Variants in DPP6 observed in about 807,000 individuals in gnomAD.
DPP6 encodes the protein A-type potassium channel modulatory protein DPP6.
DPP6 carries 69 observed loss-of-function variants against 122.6 expected under a neutral mutation model. The observed-to-expected ratio is 0.56, with a 90% CI of 0.46 to 0.69. DPP6 has a LOEUF of 0.69. Among genes scored for constraint, DPP6 ranks in the 30% least tolerant of loss-of-function variants. The probability of loss-of-function intolerance (pLI) is 0.00; values close to 1 mark genes in which losing one functional copy is unlikely to be tolerated. For missense variants in DPP6, 928 were observed against 1,116.9 expected, an observed-to-expected ratio of 0.83 and a Z score of 2.41; for synonymous variants, 418 against 433.1, an observed-to-expected ratio of 0.97 and a Z score of 0.43.
the DPP6 span, among the ~76,000 whole-genome samples, chr7:153,867,061 T>G: frequency 2.6e-5 from 4 of 152,202 alleles, no homozygotes; most frequent in South Asian, 8.3e-4. Context: ...AGCCTTGTAG[T>G]ATAGTTTGAA....
the DPP6 span, among the ~76,000 whole-genome samples, chr7:153,780,451 T>A: frequency 6.6e-6 from 1 of 152,164 alleles, no homozygotes; most frequent in Non-Finnish European, 1.5e-5. Flanking sequence ...ATCAACTTTA[T>A]GAAAGCAGCA....
chr7:154,171,093 G>T (rs1462492398), intron 1 of DPP6, among the ~76,000 whole-genome samples: 1 of 152,174 alleles, frequency 6.6e-6, no homozygotes, highest in African/African-American at 2.4e-5. Context: ...GAGTTTGTAG[G>T]TAAGCTTCCA....
intron 1 of DPP6, among the ~76,000 whole-genome samples, chr7:154,270,564 G>C (rs1803718670): frequency 6.6e-6 from 1 of 152,092 alleles, no homozygotes; most frequent in African/African-American, 2.4e-5. Flanking sequence ...TCAGGTCTAA[G>C]GCTGAAATGG....
At position 154,548,724 on chromosome 7, in the gene DPP6, T is replaced by C. The variant is rs544045642; in HGVS notation, c.552+8098T>C. ...CATGGTGGTGGGTGGATACAGTGAT[T>C]AATAAAAACAGATTTCTACTCTTAT... is the stretch of plus-strand genomic sequence containing the variant. On this transcript the variant is annotated intron_variant, in intron 4 of 25. Transcript: ENST00000377770. Among the ~76,000 whole-genome samples, 10 of 152,194 alleles carry C rather than the reference T, an allele frequency of 6.6e-5. No homozygotes were observed. The East Asian group carries it at 1.9e-3, about 29-fold the overall frequency.
chr7:154,229,058 T>C (rs1800769790), intron 1 of DPP6, among the ~76,000 whole-genome samples: 1 of 152,182 alleles, frequency 6.6e-6, no homozygotes, highest in Non-Finnish European at 1.5e-5. Context: ...AAGCACTCTG[T>C]GGTGAAGGTT....
chr7:154,057,350 G>A (rs61322342), intron 1 of DPP6: 19,150 of 189,224 alleles, frequency 0.1, 1,546 homozygotes, highest in Admixed American at 0.21. Context: ...GACACCCCCC[G>A]CGAGGCGGGG....
the DPP6 span, among the ~76,000 whole-genome samples, chr7:153,769,405 G>C: frequency 6.6e-6 from 1 of 152,156 alleles, no homozygotes; most frequent in Non-Finnish European, 1.5e-5. Context: ...TTAAACAGTA[G>C]TGTTTCCAGT....
intron 1 of DPP6, among the ~76,000 whole-genome samples, chr7:153,966,615 A>G (rs1397392235): frequency 1.2e-5 from 1 of 85,006 alleles, no homozygotes; most frequent in Non-Finnish European, 2.3e-5. Flanking sequence ...TTTTTTAAAA[A>G]ATTATACTTT....
chr7:153,830,048 ATG>A, the DPP6 span, among the ~76,000 whole-genome samples: 1 of 152,220 alleles, frequency 6.6e-6, no homozygotes, highest in Admixed American at 6.5e-5. Context: ...CCATTTTATT[ATG>A]TGTTTATAGG....
At chr7:154,235,833 C>G (rs1801179709) in intron 1 of DPP6, among the ~76,000 whole-genome samples, 1 of 152,120 alleles carries the variant, frequency 6.6e-6, no homozygotes, top group Admixed American at 6.5e-5. Flanking sequence ...CTTGTTACCT[C>G]AGTTTTCTTA....
At chr7:154,289,522 C>G (rs1805068294) in intron 1 of DPP6, among the ~76,000 whole-genome samples, 1 of 152,150 alleles carries the variant, frequency 6.6e-6, no homozygotes, top group African/African-American at 2.4e-5. Context: ...GGGAGCACAT[C>G]CTATATGCTA....
At chr7:154,640,453 G>A (rs1005141625) in intron 6 of DPP6, among the ~76,000 whole-genome samples, 1 of 136,372 alleles carries the variant, frequency 7.3e-6, no homozygotes, top group Non-Finnish European at 1.6e-5. Flanking sequence ...CTGTCACCAT[G>A]TCACTGAACA....
chr7:154,878,510 C>T (rs576334890), intron 20 of DPP6, among the ~76,000 whole-genome samples: 2 of 152,224 alleles, frequency 1.3e-5, no homozygotes, highest in Non-Finnish European at 2.9e-5. Flanking sequence ...TCCCTAGGAA[C>T]GAGGTCTGCA....
At chr7:154,597,279 G>A (rs6597424) in intron 5 of DPP6, among the ~76,000 whole-genome samples, 89,575 of 151,332 alleles carry the variant, frequency 0.59, 27,001 homozygotes, top group African/African-American at 0.7. Flanking sequence ...GTGGGTTGGT[G>A]TCTCCTGGCT....
rs2150714654 is a variant in DPP6, at chr7:154,894,078, A to G, written c.*1598A>G. ...GGTGTTTTAAAGGTGATTCACCACC[A>G]TTTGTGAAAGGACCAACGTGCTGAT... On this transcript the variant is annotated 3_prime_UTR_variant, in exon 26 of 26. Transcript: ENST00000377770. The G allele has an allele frequency of 6.6e-6, 1 of 152,338 alleles. No homozygotes were observed. Among genetic ancestry groups the G allele is most frequent in the Admixed American group, 6.5e-5 (1 of 15,304 alleles). 9.4% of individuals were successfully genotyped at this position (152,338 alleles called of 1,614,324 possible).
chr7:154,838,260 T>C (rs905696764), intron 16 of DPP6: 3 of 152,232 alleles, frequency 2.0e-5, no homozygotes, highest in Non-Finnish European at 2.9e-5. Flanking sequence ...AGAAAGAAGT[T>C]CCAAGATCCG....
rs74629645 is a variant in DPP6 at position 154,525,386 on chromosome 7, G to A, written c.458-15146G>A. On this transcript the variant is annotated intron_variant, in intron 3 of 25. Coordinates refer to ENST00000377770, the MANE Select transcript of DPP6 (RefSeq NM_130797.4). ...TAATTTTTCAGGCTCTCAAACTCCT[G>A]GGCTCAAGCTATTCTCCTACCTTGG... Among the ~76,000 whole-genome samples the A allele has an allele frequency of 6.0e-3, 911 of 152,150 alleles. 11 individuals are homozygous for A. Among genetic ancestry groups the A allele is most frequent in the African/African-American group, 0.02 (849 of 41,490 alleles).
intron 7 of DPP6, 100 bp from the exon 8 acceptor site, chr7:154,727,667 G>A (rs954550335): frequency 2.8e-6 from 4 of 1,443,952 alleles, no homozygotes; most frequent in Non-Finnish European, 3.7e-6. Context: ...AATACAACAG[G>A]AAAATGAAAA....
intron 1 of DPP6, among the ~76,000 whole-genome samples, chr7:153,901,200 A>G (rs1334242582): frequency 1.3e-5 from 2 of 152,216 alleles, no homozygotes; most frequent in African/African-American, 4.8e-5. Flanking sequence ...TACATTAACA[A>G]TGCTAATGAC....
Sources: gnomAD v4.1 joint callset for allele counts (sites outside exome capture counted in the v4.1 genomes callset) on GRCh38, gnomAD v4.1.1 for gene constraint, MANE v1.5 for transcripts, NCBI Gene and HGNC (gene_info 2026-07-23, HGNC 2026-07-21) for gene names.